The following SEC16B variants were observed in gnomAD, a reference collection of about 807,000 sequenced individuals.
SEC16B encodes the protein SEC16 homolog B, endoplasmic reticulum export factor.
SEC16B carries 115 observed loss-of-function variants against 141.8 expected under a neutral mutation model. The ratio of observed to expected loss-of-function variants is 0.81; its 90% CI spans 0.70 to 0.95. The LOEUF is 0.95. Among genes scored for constraint, SEC16B ranks in the 40% least tolerant of loss-of-function variants. The pLI, the probability that SEC16B is intolerant of heterozygous loss-of-function variation, is 0.00. For missense variants in SEC16B, 1,291 were observed against 1,312.3 expected (o/e 0.98, Z 0.25); for synonymous variants, 493 against 492.5 (o/e 1.00, Z -0.01).
In SEC16B at chr1:177,929,710, C is replaced by A. The variant is rs144471336; in HGVS notation, c.*148G>T. The A allele has an allele frequency of 6.6e-4, 475 of 720,556 alleles. 5 individuals are homozygous for A. In the East Asian group the frequency reaches 0.013, roughly 19 times the overall value. The allele number at this position is 720,556 out of a possible 1,614,324, so 44.6% of individuals were successfully genotyped here. A position where few individuals can be genotyped will look rare whatever the true frequency, so the allele number is the denominator to read the frequency against. On this transcript the variant is annotated 3_prime_UTR_variant, in exon 26 of 26. Transcript: ENST00000308284. ...GTGCTGTGTCTTGAGAGATCCTGTCCTCTTGCCTTCTAAGTGCCCGGTGGA... is the reference window on the plus strand; with the variant it reads ...GTGCTGTGTCTTGAGAGATCCTGTCATCTTGCCTTCTAAGTGCCCGGTGGA...
chr1:177,965,389 C>T (rs986240671), intron 3 of SEC16B, among the ~76,000 whole-genome samples: 10 of 111,944 alleles, frequency 8.9e-5, no homozygotes, highest in Non-Finnish European at 1.4e-4. Flanking sequence ...AACCGCACAA[C>T]GATGGGGATT....
At chr1:177,944,463 T>C in intron 15 of SEC16B, 98 bp downstream of exon 15, 1 of 872,278 alleles carries the variant, frequency 1.1e-6, no homozygotes, top group Non-Finnish European at 1.9e-6. Flanking sequence ...AGTAGATAAC[T>C]TAGCCCCAGG....
chr1:177,944,882 CA>C (rs1651563597), intron 14 of SEC16B, among the ~76,000 whole-genome samples: 1 of 152,068 alleles, frequency 6.6e-6, no homozygotes, highest in African/African-American at 2.4e-5. Flanking sequence ...GAGGAAGGAA[CA>C]AAACAGAACT....
chr1:177,952,173 G>T lies in SEC16B; in HGVS notation c.1464-178C>A, dbSNP rs542446972. Among the ~76,000 whole-genome samples, 10 of 152,296 alleles carry T rather than the reference G, an allele frequency of 6.6e-5. No individual in the cohort carries two copies. The South Asian group carries it at 1.0e-3, about 16-fold the overall frequency. On this transcript the variant is annotated intron_variant, in intron 11 of 25. Transcript: ENST00000308284. Reference sequence around the variant, plus strand: ...AGCCTCCTCTGGGGAGAGATGGCAGGATCCTCATTCTACCGCACACCCCAG... The same window carrying T: ...AGCCTCCTCTGGGGAGAGATGGCAGTATCCTCATTCTACCGCACACCCCAG...
intron 5 of SEC16B, among the ~76,000 whole-genome samples, chr1:177,963,741 AGG>A (rs1653272609): frequency 6.6e-6 from 1 of 152,238 alleles, no homozygotes; most frequent in Non-Finnish European, 1.5e-5. Context: ...TTTAGAGGAA[AGG>A]GATGAATGAA....
intron 8 of SEC16B, chr1:177,960,057 C>A (rs1652934505): frequency 7.3e-6 from 3 of 412,210 alleles, no homozygotes; most frequent in South Asian, 8.2e-5. Context: ...ATCAAGCACA[C>A]GGAATGCTAA....
At chr1:177,957,527 G>A (rs1203238938) in intron 10 of SEC16B, among the ~76,000 whole-genome samples, 10 of 151,988 alleles carry the variant, frequency 6.6e-5, no homozygotes, top group Non-Finnish European at 1.2e-4. Flanking sequence ...TAATTTGTAT[G>A]AGTACATAGT....
intron 10 of SEC16B, among the ~76,000 whole-genome samples, chr1:177,957,896 A>G (rs372678563): frequency 1.3e-3 from 199 of 151,656 alleles, no homozygotes; most frequent in African/African-American, 4.5e-3. Flanking sequence ...GATCCCACAA[A>G]TAAGTGAGAA....
chr1:177,944,452 C>A, intron 15 of SEC16B, 109 bp downstream of exon 15: 1 of 782,366 alleles, frequency 1.3e-6, no homozygotes, highest in Non-Finnish European at 2.2e-6. Context: ...AGGAAAAGTT[C>A]AGTAGATAAC....
At chr1:177,960,992 T>G (rs1302335707) in intron 6 of SEC16B, 53 bp from the exon 7 acceptor site, 2 of 1,580,098 alleles carry the variant, frequency 1.3e-6, no homozygotes, top group Admixed American at 3.4e-5. Context: ...CCATCACTTT[T>G]CTTTAGTTTA....
rs919723130 is a variant in SEC16B at position 177,958,241 on chromosome 1, A to G, written c.1256T>C (p.Leu419Pro). The G allele has an allele frequency of 1.2e-6, 2 of 1,607,806 alleles. No homozygotes were observed. The highest frequency in any genetic ancestry group is 1.7e-6 in the Non-Finnish European group (2 of 1,177,020). Residue 419 changes from leucine to proline, a missense_variant, in exon 10 of 26, where the codon CTG becomes CCG. Transcript: ENST00000308284. ...INLTDEDWPVLSSGTPNLLTG... is the reference protein window; with the variant it reads ...INLTDEDWPVPSSGTPNLLTG... ...GAGCAGGTTCGGGGTCCCAGAGCTC[A>G]GCACTGGCCAGTCCTCATCGGTCAG... is the stretch of plus-strand genomic sequence containing the variant.
At chr1:177,979,828 A>T (rs185762843) in intron 1 of SEC16B, among the ~76,000 whole-genome samples, 1 of 152,106 alleles carries the variant, frequency 6.6e-6, no homozygotes, top group Non-Finnish European at 1.5e-5. Context: ...GTAGGGAAAC[A>T]CCTCCTTATA....
chr1:177,967,634 T>G (rs1653639992), intron 2 of SEC16B, 49 bp downstream of exon 2: 1 of 1,473,830 alleles, frequency 6.8e-7, no homozygotes, highest in Non-Finnish European at 9.1e-7. Context: ...AACAACCTAT[T>G]CATACGCATT....
At chr1:177,964,764 C>T (rs1429206086) in intron 4 of SEC16B, among the ~76,000 whole-genome samples, 1 of 152,156 alleles carries the variant, frequency 6.6e-6, no homozygotes, top group Non-Finnish European at 1.5e-5. Flanking sequence ...CTAAGGCCAA[C>T]ACAGAATTAA....
intron 1 of SEC16B, among the ~76,000 whole-genome samples, chr1:177,983,636 G>A (rs1571368618): frequency 6.6e-6 from 1 of 152,120 alleles, no homozygotes; most frequent in African/African-American, 2.4e-5. Flanking sequence ...CAGCCACAGA[G>A]CCTCCTCTTG....
At chr1:177,936,044 G>C (rs1650812470) in intron 20 of SEC16B, among the ~76,000 whole-genome samples, 3 of 152,238 alleles carry the variant, frequency 2.0e-5, no homozygotes, top group Admixed American at 6.5e-5. Context: ...AGAGATCTGA[G>C]AGGCCAAAAC....
At chr1:177,978,673 C>T (rs1654275951) in intron 1 of SEC16B, among the ~76,000 whole-genome samples, 1 of 150,868 alleles carries the variant, frequency 6.6e-6, no homozygotes, top group African/African-American at 2.4e-5. Flanking sequence ...TGCACTCAAG[C>T]CTGGGTGACA....
chr1:177,933,987 GCT>G (rs1650648024), intron 20 of SEC16B, among the ~76,000 whole-genome samples: 1 of 144,778 alleles, frequency 6.9e-6, no homozygotes, highest in Non-Finnish European at 1.5e-5. Flanking sequence ...AGGCCCACAA[GCT>G]CCCCCCAAAA....
chr1:177,980,282 G>A (rs933955451), intron 1 of SEC16B, among the ~76,000 whole-genome samples: 5 of 152,000 alleles, frequency 3.3e-5, no homozygotes, highest in African/African-American at 1.2e-4. Context: ...TCACCCCTGG[G>A]AGAATTTTTT....
Sources: gnomAD v4.1 joint callset for allele counts (sites outside exome capture counted in the v4.1 genomes callset) on GRCh38, gnomAD v4.1.1 for gene constraint, MANE v1.5 for transcripts, NCBI Gene and HGNC (gene_info 2026-07-23, HGNC 2026-07-21) for gene names.